Variants in KIF14 observed in about 807,000 individuals in gnomAD.
KIF14 encodes kinesin family member 14, also known as kinesin-like protein KIF14.
Under a neutral mutation model 176.2 loss-of-function variants are expected in KIF14, and 98 were observed. The observed-to-expected ratio is 0.56, with a 90% CI of 0.47 to 0.66. The LOEUF is 0.66. Ranked by LOEUF, KIF14 falls within the 30% of genes least tolerant of loss-of-function variation. KIF14 has a pLI of 0.00. For synonymous variants in KIF14, 566 were observed against 632.2 expected (o/e 0.90, Z 1.57); for missense variants, 1,751 against 1,920.4 (o/e 0.91, Z 1.65).
intron 22 of KIF14, among the ~76,000 whole-genome samples, 186 bp downstream of exon 22, chr1:200,575,405 G>A (rs1345443825): frequency 6.6e-6 from 1 of 152,080 alleles, no homozygotes; most frequent in East Asian, 1.9e-4. Context: ...AATGCCCTAA[G>A]TGCTGTAATT....
At chr1:200,557,305 T>C (rs1326604594) in intron 27 of KIF14, among the ~76,000 whole-genome samples, 1 of 152,142 alleles carries the variant, frequency 6.6e-6, no homozygotes, top group Non-Finnish European at 1.5e-5. Context: ...CCCAGCCGTG[T>C]TTTTATTTTT....
chr1:200,565,737 G>A, intron 23 of KIF14, 68 bp from the exon 24 acceptor site: 3 of 1,018,890 alleles, frequency 2.9e-6, no homozygotes, highest in South Asian at 1.7e-5. Context: ...TTAAAAAAAG[G>A]GATCCTTACT....
At chr1:200,619,399 C>T (rs1660573789) in intron 1 of KIF14, among the ~76,000 whole-genome samples, 1 of 151,976 alleles carries the variant, frequency 6.6e-6, no homozygotes, top group South Asian at 2.1e-4. Context: ...TGTCACCAGG[C>T]TGGAGTGCAG....
In KIF14 at chr1:200,605,869, T is replaced by C. The variant is rs550222636; in HGVS notation, c.1633A>G (p.Ile545Val). ...SMNIVSSYAD[I>V]QSWLELGNKQ... is the part of the protein sequence containing the mutation. ...GAAAACAAAATCAATCTTACCTGGATATCAGCGTAAGAACTGACAATGTTC... is the reference window on the plus strand; with the variant it reads ...GAAAACAAAATCAATCTTACCTGGACATCAGCGTAAGAACTGACAATGTTC... The change falls in exon 7 of 30, where the codon ATC (isoleucine) becomes GTC (valine). Residue 545 changes from isoleucine (I) to valine (V), a missense_variant. Transcript: ENST00000367350. 2.6e-6 allele frequency: 4 copies of C among 1,528,262 alleles called. No homozygotes were observed. The highest frequency in any genetic ancestry group is 3.5e-6 in the Non-Finnish European group (4 of 1,132,508). 94.7% of individuals were successfully genotyped at this position (1,528,262 alleles called of 1,614,324 possible).
intron 25 of KIF14, among the ~76,000 whole-genome samples, chr1:200,562,899 T>C (rs999244037): frequency 1.5e-4 from 23 of 152,170 alleles, no homozygotes; most frequent in Admixed American, 1.0e-3. Flanking sequence ...ATCTATCACA[T>C]AATGGTGCCT....
In KIF14 at chr1:200,591,883, C is replaced by T. The variant is rs960032996; in HGVS notation, c.2813+197G>A. The stretch of plus-strand genomic sequence containing the variant: ...TTTCAATCCTTATTCTTTATATCTC[C>T]AGCATTTGGTACAGTGACAGACACA... On this transcript the variant is annotated intron_variant, in intron 16 of 29. Transcript: ENST00000367350. 2.0e-5 allele frequency among the ~76,000 whole-genome samples: 3 copies of T among 152,076 alleles called. 1 individual carries two copies. The highest frequency in any genetic ancestry group is 1.3e-4 in the Admixed American group (2 of 15,262).
At chr1:200,555,315 AC>A in intron 28 of KIF14, 64 bp downstream of exon 28, 1 of 1,014,258 alleles carries the variant, frequency 9.9e-7, no homozygotes, top group Non-Finnish European at 1.5e-6. Context: ...AAAAATATCT[AC>A]ATTTGAACCA....
intron 2 of KIF14, among the ~76,000 whole-genome samples, chr1:200,616,264 G>A (rs1243986651): frequency 6.6e-6 from 1 of 152,126 alleles, no homozygotes; most frequent in African/African-American, 2.4e-5. Flanking sequence ...CTTTAAATCA[G>A]AATTTATTCT....
At chr1:200,566,283 CTTTT>C (rs766736888) in intron 23 of KIF14, among the ~76,000 whole-genome samples, 4 of 139,604 alleles carry the variant, frequency 2.9e-5, no homozygotes, top group Non-Finnish European at 6.4e-5. Context: ...TTCTTTCTTT[CTTTT>C]TTTTTTTTTA....
chr1:200,552,773 T>C lies in KIF14; in HGVS notation c.*615A>G, dbSNP rs1430883293. 1 of 152,084 alleles carries C rather than the reference T, an allele frequency of 6.6e-6. No individual in the cohort carries two copies. The highest frequency in any genetic ancestry group is 2.4e-5 in the African/African-American group (1 of 41,420). The allele number at this position is 152,084 out of a possible 1,614,324, so 9.4% of individuals were successfully genotyped here. On this transcript the variant is annotated 3_prime_UTR_variant, in exon 30 of 30. Transcript: ENST00000367350. ...GCCATTTCACCATAAACATCCCAGC[T>C]GTCTGAGGAGAGAGAAGGCATAGGC...
chr1:200,572,879 A>G (rs1345386764), intron 22 of KIF14, among the ~76,000 whole-genome samples: 1 of 152,210 alleles, frequency 6.6e-6, no homozygotes, highest in Non-Finnish European at 1.5e-5. Context: ...CCTAAGGACC[A>G]TATTTAGCTC....
intron 2 of KIF14, 110 bp from the exon 3 acceptor site, chr1:200,615,719 G>T (rs566817769): frequency 1.0e-6 from 1 of 953,382 alleles, no homozygotes; most frequent in Non-Finnish European, 1.5e-6. Flanking sequence ...TCCAAGGCAA[G>T]ATAATTCTGT....
At chr1:200,606,572 GA>G (rs1307643884) in intron 6 of KIF14, among the ~76,000 whole-genome samples, 173 bp downstream of exon 6, 2 of 152,138 alleles carry the variant, frequency 1.3e-5, no homozygotes, top group African/African-American at 4.8e-5. Flanking sequence ...ACACTCTATG[GA>G]AAGAGAGGGA....
chr1:200,585,991 ATAAAG>A, intron 19 of KIF14, 105 bp downstream of exon 19: 1 of 712,984 alleles, frequency 1.4e-6, no homozygotes, highest in Non-Finnish European at 2.1e-6. Context: ...AACAACTAGA[ATAAAG>A]TATTTTGAAT....
intron 27 of KIF14, among the ~76,000 whole-genome samples, chr1:200,555,770 A>T (rs1656800805): frequency 6.6e-6 from 1 of 152,160 alleles, no homozygotes; most frequent in Non-Finnish European, 1.5e-5. Context: ...TTTTAAACAC[A>T]TTGATCATAT....
chr1:200,606,282 CT>C (rs1420251946), intron 6 of KIF14, among the ~76,000 whole-genome samples: 1 of 152,070 alleles, frequency 6.6e-6, no homozygotes, highest in Non-Finnish European at 1.5e-5. Context: ...TACTTAATAA[CT>C]TTTCCTTTCC....
intron 20 of KIF14, 39 bp from the exon 21 acceptor site, chr1:200,580,422 C>T (rs1043801625): frequency 7.5e-7 from 1 of 1,332,110 alleles, no homozygotes; most frequent in African/African-American, 1.5e-5. Context: ...TATCCTGAAA[C>T]ATACACATCC....
Position 200,580,363 on chromosome 1 carries a change from CT to C in KIF14, c.3355del (p.Ser1119ValfsTer12). The C allele has an allele frequency of 6.6e-7, 1 of 1,510,440 alleles. No individual in the cohort carries two copies. 93.6% of individuals were successfully genotyped at this position (1,510,440 alleles called of 1,614,324 possible). A position where few individuals can be genotyped will look rare whatever the true frequency, so the allele number is the denominator to read the frequency against. ...AACCCGAATAGAAGTGTCAGAACTA[CT>C]TTTATCTGATATATCATGTCTGAAA... ...VFGRHDISDK[S>X]SSDTSIRVRN... is the part of the protein sequence containing the mutation. On this transcript the variant is annotated frameshift_variant, in exon 21 of 30. Transcript: ENST00000367350. LOFTEE classifies it high-confidence loss of function.
intron 17 of KIF14, among the ~76,000 whole-genome samples, chr1:200,589,662 A>AACT (rs1658944794): frequency 7.2e-6 from 1 of 139,186 alleles, no homozygotes; most frequent in African/African-American, 2.7e-5. Context: ...TATCGCCACC[A>AACT]ACTTTTTTCT....
Sources: allele counts gnomAD v4.1 joint callset (sites outside exome capture counted in the v4.1 genomes callset), GRCh38; gene constraint gnomAD v4.1.1; transcripts MANE v1.5; gene names NCBI Gene and HGNC (gene_info 2026-07-23, HGNC 2026-07-21).